Variants in KIAA0232 observed in about 807,000 individuals in gnomAD.
KIAA0232 encodes the protein KIAA0232, also known as uncharacterized protein KIAA0232.
In KIAA0232, 27 loss-of-function variants were observed where a neutral mutation model predicts 122.0. The observed-to-expected ratio is 0.22, with a 90% CI of 0.16 to 0.31. The LOEUF (loss-of-function observed/expected upper bound fraction) is 0.31. KIAA0232 is among the 10% of genes least tolerant of loss of function. The pLI, the probability that KIAA0232 is intolerant of heterozygous loss-of-function variation, is 1.00. For synonymous variants in KIAA0232, 613 were observed against 587.6 expected, an observed-to-expected ratio of 1.04 and a Z score of -0.63; for missense variants, 1,551 against 1,634.2, an observed-to-expected ratio of 0.95 and a Z score of 0.88.
Position 6,862,421 on chromosome 4 carries a change from T to C in KIAA0232, c.2039T>C (p.Met680Thr), listed in dbSNP as rs767295030. 2.6e-5 allele frequency: 42 copies of C among 1,614,056 alleles called. No individual in the cohort carries two copies. The Admixed American group carries it at 4.2e-4, about 16-fold the overall frequency. The change falls in exon 7 of 10, where the codon ATG (methionine) becomes ACG (threonine). Residue 680 changes from methionine (M) to threonine (T), a missense_variant. By Grantham distance (81) the Met-to-Thr change is moderately conservative. Around this residue, in one of 5 missense-constraint regions of KIAA0232, gnomAD observed 1,108 missense variants for 1,154.8 expected, o/e 0.96. Coordinates refer to ENST00000307659, the MANE Select transcript of KIAA0232 (RefSeq NM_014743.3). ...GAAAATACAGATTCTAGTGCTAATA[T>C]GCTTGGGAAAACACAGTCTAGATTG... The part of the protein sequence containing the change: ...GNENTDSSAN[M>T]LGKTQSRLLI...
At position 6,883,006 on chromosome 4, in the gene KIAA0232, C is replaced by T. The variant is rs1307458600; in HGVS notation, c.*2040C>T. 1 of 152,344 alleles carries T rather than the reference C, an allele frequency of 6.6e-6. No homozygotes were observed. The highest frequency in any genetic ancestry group is 1.9e-4 in the East Asian group (1 of 5,198). 9.4% of individuals were successfully genotyped at this position (152,344 alleles called of 1,614,324 possible). ...ACAGGTGAGAAGATGCAGCACCTTCCACAGGTGAATGGGACGGATTCGAAG... is the reference window on the plus strand; with the variant it reads ...ACAGGTGAGAAGATGCAGCACCTTCTACAGGTGAATGGGACGGATTCGAAG... On this transcript the variant is annotated 3_prime_UTR_variant, in exon 10 of 10. Transcript: ENST00000307659.
intron 4 of KIAA0232, among the ~76,000 whole-genome samples, chr4:6,853,264 G>T (rs1720391381): frequency 6.6e-6 from 1 of 152,152 alleles, no homozygotes; most frequent in Admixed American, 6.5e-5. Flanking sequence ...CATGATAATA[G>T]AAATGAAAAA....
At chr4:6,820,315 G>A (rs558372551) in intron 2 of KIAA0232, among the ~76,000 whole-genome samples, 1 of 152,268 alleles carries the variant, frequency 6.6e-6, no homozygotes, top group Non-Finnish European at 1.5e-5. Context: ...AGAGAAGTTT[G>A]GGGAAAAGCT....
At position 6,861,126 on chromosome 4, in the gene KIAA0232, G is replaced by C. The variant is rs1720829499; in HGVS notation, c.744G>C (p.Gln248His). The C allele has an allele frequency of 2.5e-6, 4 of 1,614,134 alleles. 1 individual carries two copies. The African/African-American group carries it at 4.0e-5, about 16-fold the overall frequency. ...EVPTTVHEKTQSKSKNEKENK... is the reference protein window; with the variant it reads ...EVPTTVHEKTHSKSKNEKENK... ...CCACCACTGTGCATGAGAAAACCCA[G>C]AGCAAAAGCAAAAACGAGAAGGAAA... The change falls in exon 7 of 10, where the codon CAG becomes CAC. Residue 248 changes from glutamine to histidine, a missense_variant. By Grantham distance (24) the Gln-to-His change is conservative. This residue lies in a region of KIAA0232 where 377 missense variants were observed against 381.7 expected (regional missense o/e 0.99). Coordinates refer to ENST00000307659, the MANE Select transcript of KIAA0232 (RefSeq NM_014743.3).
At chr4:6,868,773 A>AT (rs1721314981) in intron 7 of KIAA0232, among the ~76,000 whole-genome samples, 1 of 152,234 alleles carries the variant, frequency 6.6e-6, no homozygotes, top group Admixed American at 6.5e-5. Context: ...AAAGTTATAA[A>AT]TGAGTGGAGA....
Position 6,872,034 on chromosome 4 carries a change from G to A in KIAA0232, c.3910+352G>A, listed in dbSNP as rs199619060. Among the ~76,000 whole-genome samples the A allele has an allele frequency of 1.7e-4, 26 of 152,340 alleles. No homozygotes were observed. In the East Asian group the frequency reaches 3.9e-3, roughly 23 times the overall value. On this transcript the variant is annotated intron_variant, in intron 8 of 9. Coordinates refer to ENST00000307659, the MANE Select transcript of KIAA0232 (RefSeq NM_014743.3). ...GGTCGCCGCCAGGGGAAAGCACAGG[G>A]CTCCATGGCTCAGCTGAGTTGTAGC... is the stretch of plus-strand genomic sequence containing the variant.
At chr4:6,835,312 G>A (rs910080377) in intron 3 of KIAA0232, among the ~76,000 whole-genome samples, 17 of 151,972 alleles carry the variant, frequency 1.1e-4, no homozygotes, top group Non-Finnish European at 1.6e-4. Flanking sequence ...CTGTTGAGCC[G>A]ACTGGAGCCC....
At chr4:6,827,048 A>G (rs1718723545) in intron 3 of KIAA0232, among the ~76,000 whole-genome samples, 1 of 152,198 alleles carries the variant, frequency 6.6e-6, no homozygotes, top group African/African-American at 2.4e-5. Flanking sequence ...GTTAGGGAAA[A>G]CATAACATGT....
intron 2 of KIAA0232, among the ~76,000 whole-genome samples, chr4:6,819,015 A>T (rs1718284127): frequency 6.6e-6 from 1 of 152,174 alleles, no homozygotes; most frequent in Admixed American, 6.5e-5. Context: ...GGAATAGCTT[A>T]CTAGCCATAT....
intron 8 of KIAA0232, among the ~76,000 whole-genome samples, chr4:6,874,292 G>A (rs1382667306): frequency 1.3e-5 from 2 of 152,220 alleles, no homozygotes. Context: ...AGGAAATAGG[G>A]CACAGACCAT....
At chr4:6,850,906 G>T (rs933191042) in intron 4 of KIAA0232, among the ~76,000 whole-genome samples, 3 of 152,172 alleles carry the variant, frequency 2.0e-5, no homozygotes, top group Admixed American at 2.0e-4. Context: ...TTGACCTCGT[G>T]ATCCGCCCAC....
At position 6,862,597 on chromosome 4, in the gene KIAA0232, G is replaced by T. The variant is rs766316465; in HGVS notation, c.2215G>T (p.Ala739Ser). Reference sequence around the variant, plus strand: ...GTTTGAAGAATCCACACAGTTTAATGCCGAAGATATTAATTATGTAGTTCC... The same window carrying T: ...GTTTGAAGAATCCACACAGTTTAATTCCGAAGATATTAATTATGTAGTTCC... ...IQFEESTQFNAEDINYVVPRV... is the reference protein window; with the variant it reads ...IQFEESTQFNSEDINYVVPRV... The change falls in exon 7 of 10, where the codon GCC becomes TCC. Residue 739 changes from alanine (A) to serine (S), a missense_variant. Transcript: ENST00000307659. The T allele has an allele frequency of 6.2e-7, 1 of 1,613,838 alleles. No homozygotes were observed. The highest frequency in any genetic ancestry group is 8.5e-7 in the Non-Finnish European group (1 of 1,179,918).
At chr4:6,789,943 C>T (rs1283621449) in intron 1 of KIAA0232, among the ~76,000 whole-genome samples, 2 of 151,898 alleles carry the variant, frequency 1.3e-5, no homozygotes, top group African/African-American at 2.4e-5. Context: ...GCAGGAGGAT[C>T]GCTTGAGCCC....
In KIAA0232 at chr4:6,861,396, C is replaced by T. The variant is rs776129435; in HGVS notation, c.1014C>T (p.His338=). ...RNGQSRLSLK[H]GEKAERNIHT... is the part of the protein sequence containing the mutation. ...GGCAAAGCAGGCTTTCTTTGAAGCA[C>T]GGTGAAAAGGCTGAAAGGAACATTC... The change falls in exon 7 of 10, where the codon CAC becomes CAT. Residue 338 remains histidine (H), a synonymous_variant. Transcript: ENST00000307659. 49 of 1,613,928 alleles carry T rather than the reference C, an allele frequency of 3.0e-5. No individual in the cohort carries two copies. The highest frequency in any genetic ancestry group is 1.6e-4 in the Middle Eastern group (1 of 6,084).
rs774677342 is a variant in KIAA0232 at position 6,864,037 on chromosome 4, C to A, written c.3655C>A (p.Leu1219Met). The change falls in exon 7 of 10, where the codon CTG (leucine) becomes ATG (methionine). Residue 1219 changes from leucine (L) to methionine (M), a missense_variant. Leu to Met is a conservative substitution (Grantham distance 15). Transcript: ENST00000307659. ...TTTGGAATGTAGCATGAATGAATCC[C>A]TGGAAATAGATTTAGAAAGCTCAGA... The part of the protein sequence containing the change: ...QCLECSMNES[L>M]EIDLESSEAN... 6.2e-7 allele frequency: 1 copy of A among 1,614,110 alleles called. No individual in the cohort carries two copies. The highest frequency in any genetic ancestry group is 1.3e-5 in the African/African-American group (1 of 75,042).
intron 7 of KIAA0232, among the ~76,000 whole-genome samples, chr4:6,869,524 A>C (rs895738751): frequency 6.6e-6 from 1 of 152,184 alleles, no homozygotes; most frequent in African/African-American, 2.4e-5. Flanking sequence ...GCGTGGTGCC[A>C]CCTTGTTTGC....
At chr4:6,844,178 G>A (rs1049709614) in intron 4 of KIAA0232, among the ~76,000 whole-genome samples, 1 of 151,750 alleles carries the variant, frequency 6.6e-6, no homozygotes, top group Non-Finnish European at 1.5e-5. Context: ...CTGACCTCGT[G>A]ATCCGTCTGC....
chr4:6,815,394 T>G (rs1355012784), intron 2 of KIAA0232, among the ~76,000 whole-genome samples: 1 of 152,200 alleles, frequency 6.6e-6, no homozygotes, highest in Non-Finnish European at 1.5e-5. Flanking sequence ...CTAGAAATAG[T>G]CTCTAATTTG....
chr4:6,821,139 G>A (rs1215786613), intron 2 of KIAA0232, among the ~76,000 whole-genome samples: 1 of 152,164 alleles, frequency 6.6e-6, no homozygotes, highest in Non-Finnish European at 1.5e-5. Flanking sequence ...GCATTTGCTG[G>A]CGATAAATTC....
Sources: allele counts gnomAD v4.1 joint callset (sites outside exome capture counted in the v4.1 genomes callset), GRCh38; gene constraint gnomAD v4.1.1; regional missense constraint gnomAD v4.1.1; transcripts MANE v1.5; gene names NCBI Gene and HGNC (gene_info 2026-07-23, HGNC 2026-07-21).